Variants in HHAT observed in about 807,000 individuals in gnomAD.
HHAT encodes protein-cysteine N-palmitoyltransferase HHAT.
A neutral mutation model predicts 70.8 loss-of-function variants in HHAT; 47 were observed. The observed-to-expected ratio is 0.66, with a 90% CI of 0.53 to 0.85. HHAT has a LOEUF of 0.85. Ranked by LOEUF, HHAT falls within the 40% of genes least tolerant of loss-of-function variation. The probability of loss-of-function intolerance (pLI) is 0.00; values close to 1 mark genes in which losing one functional copy is unlikely to be tolerated. For missense variants in HHAT, 609 were observed against 604.8 expected (o/e 1.01, Z -0.07); for synonymous variants, 228 against 247.6 (o/e 0.92, Z 0.74).
chr1:210,426,887 T>G (rs563433251), intron 7 of HHAT, among the ~76,000 whole-genome samples: 2 of 152,284 alleles, frequency 1.3e-5, no homozygotes, highest in South Asian at 4.1e-4. Context: ...CCTTCTCAGT[T>G]TTTTGGAATA....
At chr1:210,441,376 A>G (rs527281794) in intron 7 of HHAT, among the ~76,000 whole-genome samples, 1 of 152,232 alleles carries the variant, frequency 6.6e-6, no homozygotes, top group South Asian at 2.1e-4. Flanking sequence ...AATTTTTTTT[A>G]TAGAGGTGCT....
chr1:210,410,523 A>ATTTTTTTTTTTTT (rs35608235), intron 6 of HHAT, among the ~76,000 whole-genome samples: 11 of 116,432 alleles, frequency 9.4e-5, no homozygotes, highest in African/African-American at 4.0e-4. Context: ...TTATTTGTAA[A>ATTTTTTTTTTTTT]TTTTTTTTTT....
intron 10 of HHAT, among the ~76,000 whole-genome samples, chr1:210,609,036 C>T (rs1384665988): frequency 6.6e-6 from 1 of 152,154 alleles, no homozygotes; most frequent in Non-Finnish European, 1.5e-5. Context: ...ATGTGAGCAG[C>T]ATGGGGGAAA....
At chr1:210,559,824 T>G (rs1408686858) in intron 9 of HHAT, among the ~76,000 whole-genome samples, 1 of 152,232 alleles carries the variant, frequency 6.6e-6, no homozygotes, top group Admixed American at 6.5e-5. Flanking sequence ...AGGTATTTTT[T>G]TGTGTGTGAC....
intron 9 of HHAT, among the ~76,000 whole-genome samples, chr1:210,523,041 G>A (rs2095184897): frequency 6.6e-6 from 1 of 152,050 alleles, no homozygotes. Context: ...CAGGTTGTCC[G>A]AGCCTCTTCC....
intron 10 of HHAT, among the ~76,000 whole-genome samples, chr1:210,617,370 G>A (rs112016665): frequency 0.031 from 4,648 of 152,306 alleles, 136 homozygotes; most frequent in Admixed American, 0.069. Flanking sequence ...CAGAGTAGAG[G>A]CACATAATGT....
chr1:210,553,626 C>G (rs2095546946), intron 9 of HHAT, among the ~76,000 whole-genome samples: 1 of 152,228 alleles, frequency 6.6e-6, no homozygotes, highest in African/African-American at 2.4e-5. Flanking sequence ...TCAGACAGTA[C>G]TCTTCTCTGA....
At chr1:210,415,672 TTTTTGAGACAGAGTCTC>T (rs2092699179) in intron 6 of HHAT, among the ~76,000 whole-genome samples, 1 of 152,046 alleles carries the variant, frequency 6.6e-6, no homozygotes, top group Non-Finnish European at 1.5e-5. Context: ...TTTTCCTTTT[TTTTTGAGACAGAGTCTC>T]TGTCTGTCAC....
chr1:210,504,972 A>G (rs11587781), intron 8 of HHAT, among the ~76,000 whole-genome samples: 141,551 of 149,080 alleles, frequency 0.95, 67,551 homozygotes, highest in Non-Finnish European at 1. Flanking sequence ...GTGTGATCTC[A>G]ACTCCAACAA....
At position 210,349,129 on chromosome 1, in the gene HHAT, A is replaced by C. The variant is rs986409985; in HGVS notation, c.91+63A>C. On this transcript the variant is annotated intron_variant, in intron 2 of 11. Transcript: ENST00000261458. ...GGAAACTCCTGTCAAAAAAAGGAGC[A>C]GAGGTGGAAGATTCAAGAAGATGAT... is the stretch of plus-strand genomic sequence containing the variant. 1.2e-5 allele frequency: 18 copies of C among 1,526,722 alleles called. No homozygotes were observed. The African/African-American group carries it at 2.4e-4, about 20-fold the overall frequency. 94.6% of individuals were successfully genotyped at this position (1,526,722 alleles called of 1,614,324 possible).
Position 210,494,542 on chromosome 1 carries a change from C to CTTTTTTTTTTTTTTTTTTTTTTT in HHAT, c.1008-18606_1008-18584dup, listed in dbSNP as rs71146226. ...AGATCAGGAGTTCAGTTTGAAATAGCTTTTTTTTTTTTTTTTTTTTTTTTT... is the reference window on the plus strand; with the variant it reads ...AGATCAGGAGTTCAGTTTGAAATAGCTTTTTTTTTTTTTTTTTTTTTTTTTTTTTTTTTTTTTTTTTTTTTTTT... On this transcript the variant is annotated intron_variant, in intron 8 of 11. Coordinates refer to ENST00000261458, the MANE Select transcript of HHAT (RefSeq NM_018194.6). Among the ~76,000 whole-genome samples the CTTTTTTTTTTTTTTTTTTTTTTT allele has an allele frequency of 1.7e-4, 14 of 82,856 alleles. 1 individual carries two copies. Among genetic ancestry groups the CTTTTTTTTTTTTTTTTTTTTTTT allele is most frequent in the South Asian group, 8.6e-4 (2 of 2,320 alleles). 54.4% of individuals were successfully genotyped at this position (82,856 alleles called of 152,430 possible).
At chr1:210,541,889 C>T (rs772507811) in intron 9 of HHAT, among the ~76,000 whole-genome samples, 3 of 152,154 alleles carry the variant, frequency 2.0e-5, no homozygotes, top group Non-Finnish European at 4.4e-5. Flanking sequence ...TGCCCCAGGC[C>T]GACAATGTGA....
intron 1 of HHAT, among the ~76,000 whole-genome samples, chr1:210,346,651 G>A (rs944453120): frequency 5.9e-5 from 9 of 152,212 alleles, no homozygotes; most frequent in Non-Finnish European, 7.3e-5. Flanking sequence ...ACGAAATGGG[G>A]CACTCTGGGT....
chr1:210,334,897 GA>G (rs576589439), intron 1 of HHAT, among the ~76,000 whole-genome samples: 103 of 151,856 alleles, frequency 6.8e-4, no homozygotes, highest in African/African-American at 2.4e-3. Flanking sequence ...ACAAAAACTA[GA>G]AAAAATGAGT....
intron 9 of HHAT, among the ~76,000 whole-genome samples, chr1:210,543,832 G>A (rs2095455367): frequency 1.3e-5 from 2 of 152,044 alleles, no homozygotes; most frequent in African/African-American, 2.4e-5. Context: ...AACCTTGGTA[G>A]CTCCTCTCTG....
chr1:210,506,812 A>G (rs1399442068), intron 8 of HHAT, among the ~76,000 whole-genome samples: 1 of 152,206 alleles, frequency 6.6e-6, no homozygotes, highest in Non-Finnish European at 1.5e-5. Context: ...TTACAGGCCT[A>G]TCATTCACAC....
At chr1:210,507,359 C>CTTTTT (rs927392992) in intron 8 of HHAT, among the ~76,000 whole-genome samples, 4 of 122,524 alleles carry the variant, frequency 3.3e-5, no homozygotes, top group East Asian at 2.3e-4. Flanking sequence ...TTTCTTTTTT[C>CTTTTT]TTTTTTTTTT....
In HHAT at chr1:210,435,759, G is replaced by A. The variant is rs963631983; in HGVS notation, c.856+17434G>A. On this transcript the variant is annotated intron_variant, in intron 7 of 11. Transcript: ENST00000261458. The stretch of plus-strand genomic sequence containing the variant: ...TCGTATATTTTTTGGCCATTTGTAT[G>A]TCATTTTTTGAGAAATGTCTTTTAG... 8.6e-5 allele frequency among the ~76,000 whole-genome samples: 13 copies of A among 151,742 alleles called. 1 individual carries two copies. Among genetic ancestry groups the A allele is most frequent in the African/African-American group, 2.9e-4 (12 of 41,100 alleles).
chr1:210,671,118 C>T (rs574046331), intron 11 of HHAT, among the ~76,000 whole-genome samples: 14 of 152,178 alleles, frequency 9.2e-5, no homozygotes, highest in Non-Finnish European at 1.9e-4. Flanking sequence ...TTGATAGCCA[C>T]GGGTGCCAAG....
Sources: gnomAD v4.1 joint callset for allele counts (sites outside exome capture counted in the v4.1 genomes callset) on GRCh38, gnomAD v4.1.1 for gene constraint, MANE v1.5 for transcripts, NCBI Gene and HGNC (gene_info 2026-07-23, HGNC 2026-07-21) for gene names.